THEMIS: variants seen among roughly 807,000 people sequenced by gnomAD.
The protein encoded by THEMIS is protein THEMIS.
Under a neutral mutation model 52.6 loss-of-function variants are expected in THEMIS, and 37 were observed. The ratio of observed to expected loss-of-function variants is 0.70; its 90% CI spans 0.54 to 0.93. The LOEUF is 0.93. Ranked by LOEUF, THEMIS falls within the 40% of genes least tolerant of loss-of-function variation. The pLI is 0.00. For missense variants in THEMIS, 808 were observed against 763.1 expected (o/e 1.06, Z -0.69); for synonymous variants, 292 against 272.7 (o/e 1.07, Z -0.70).
At chr6:127,854,719 A>G (rs919567836) in intron 2 of THEMIS, among the ~76,000 whole-genome samples, 3 of 151,822 alleles carry the variant, frequency 2.0e-5, no homozygotes, top group African/African-American at 7.3e-5. Context: ...TTATGAAAAT[A>G]TATCTTTGAT....
intron 1 of THEMIS, among the ~76,000 whole-genome samples, chr6:127,881,586 T>C (rs762559490): frequency 1.3e-5 from 2 of 152,014 alleles, no homozygotes; most frequent in African/African-American, 2.4e-5. Context: ...TACTCCATTG[T>C]ACAAAAATGT....
intron 4 of THEMIS, among the ~76,000 whole-genome samples, chr6:127,765,653 C>A (rs905639389): frequency 6.6e-6 from 1 of 152,018 alleles, no homozygotes; most frequent in Admixed American, 6.6e-5. Context: ...AATACTGTAT[C>A]TTTAATGTGC....
chr6:127,895,368 T>C (rs1780932852), intron 1 of THEMIS, among the ~76,000 whole-genome samples: 1 of 151,540 alleles, frequency 6.6e-6, no homozygotes, highest in Non-Finnish European at 1.5e-5. Flanking sequence ...AACTTGATGT[T>C]TCTGACATTA....
chr6:127,907,336 G>GTTTTTTTTTTTTTTTTTT (rs1444629822), intron 1 of THEMIS, among the ~76,000 whole-genome samples: 1 of 28,602 alleles, frequency 3.5e-5, no homozygotes, highest in African/African-American at 1.1e-4. Flanking sequence ...ATTAGGCTCG[G>GTTTTTTTTTTTTTTTTTT]ATTTTTTTTT....
chr6:127,906,057 A>G (rs1781262873), upstream of THEMIS, among the ~76,000 whole-genome samples: 1 of 151,200 alleles, frequency 6.6e-6, no homozygotes. Context: ...TAAAAATTAA[A>G]TAGTTTAATA....
intron 2 of THEMIS, among the ~76,000 whole-genome samples, chr6:127,846,428 A>G (rs997241247): frequency 6.6e-6 from 1 of 151,944 alleles, no homozygotes; most frequent in Non-Finnish European, 1.5e-5. Flanking sequence ...AGATTTAAAT[A>G]AGCTCAATTA....
chr6:127,777,030 C>G (rs757600572), intron 4 of THEMIS, among the ~76,000 whole-genome samples: 1 of 151,868 alleles, frequency 6.6e-6, no homozygotes, highest in Non-Finnish European at 1.5e-5. Flanking sequence ...ATTCTTTTAA[C>G]TTTTCTGCAT....
chr6:127,884,343 C>A (rs1780579848), intron 1 of THEMIS, among the ~76,000 whole-genome samples: 1 of 152,146 alleles, frequency 6.6e-6, no homozygotes, highest in Non-Finnish European at 1.5e-5. Context: ...ACAACTCTAC[C>A]ATTCCTTTTG....
intron 4 of THEMIS, among the ~76,000 whole-genome samples, chr6:127,782,773 T>C (rs1277459090): frequency 1.3e-5 from 2 of 152,182 alleles, no homozygotes; most frequent in South Asian, 2.1e-4. Context: ...TCCATGCTCA[T>C]GGATAGGAAG....
intron 1 of THEMIS, among the ~76,000 whole-genome samples, chr6:127,913,383 C>T (rs374599279): frequency 3.2e-4 from 49 of 152,182 alleles, no homozygotes; most frequent in African/African-American, 1.2e-3. Context: ...CTGAATTCTA[C>T]ATTTAGGGAA....
chr6:127,819,477 A>G (rs1312657466), intron 3 of THEMIS, among the ~76,000 whole-genome samples: 2 of 152,172 alleles, frequency 1.3e-5, no homozygotes, highest in Non-Finnish European at 2.9e-5. Flanking sequence ...AAAAAAATCT[A>G]TATTGAAGAG....
rs1778036736 is a variant in THEMIS, at chr6:127,813,920, T to C, written c.721A>G (p.Ile241Val). ...IQGVMKFRKD[I>V]IRILPSLDVE... ...TCTAGACTGGGGAGGATGCGGATTA[T>C]ATCTTTTCGAACTAAAAAGAAAAAA... The change falls in exon 4 of 6, where the codon ATA (isoleucine) becomes GTA (valine). Residue 241 changes from isoleucine (I) to valine (V), a missense_variant. Ile to Val is a conservative substitution (Grantham distance 29). Coordinates refer to ENST00000368248, the MANE Select transcript of THEMIS (RefSeq NM_001010923.3). The C allele has an allele frequency of 1.3e-6, 2 of 1,546,560 alleles. No homozygotes were observed. The highest frequency in any genetic ancestry group is 2.2e-5 in the Admixed American group (1 of 45,214).
intron 1 of THEMIS, among the ~76,000 whole-genome samples, chr6:127,881,091 T>G (rs1780472264): frequency 6.6e-6 from 1 of 152,114 alleles, no homozygotes; most frequent in Admixed American, 6.5e-5. Context: ...CATCTTTTTT[T>G]GCACACTAAC....
intron 4 of THEMIS, among the ~76,000 whole-genome samples, chr6:127,764,238 C>A (rs1324224611): frequency 6.6e-6 from 1 of 151,692 alleles, no homozygotes; most frequent in African/African-American, 2.4e-5. Flanking sequence ...TAAGGTGAAA[C>A]CCATTTTCTG....
At position 127,911,642 on chromosome 6, in the gene THEMIS, A is replaced by G. The variant is rs151091692; in HGVS notation, c.-150+6786T>C. On this transcript the variant is annotated intron_variant, in intron 1 of 6. Transcript: ENST00000368250. ...ATTGCCTACTCTAATCCAATACTACATGGTTCATTCTAGCCTTCCTCCTTG... is the reference window on the plus strand; with the variant it reads ...ATTGCCTACTCTAATCCAATACTACGTGGTTCATTCTAGCCTTCCTCCTTG... Among the ~76,000 whole-genome samples, 101 of 151,506 alleles carry G rather than the reference A, an allele frequency of 6.7e-4. 7 individuals carry two copies. The highest frequency in any genetic ancestry group is 2.3e-3 in the African/African-American group (94 of 40,860).
chr6:127,902,385 C>A (rs1007605006), upstream of THEMIS, among the ~76,000 whole-genome samples: 29 of 147,676 alleles, frequency 2.0e-4, no homozygotes, highest in Non-Finnish European at 3.8e-4. Context: ...TGAAAGATGA[C>A]AGGAATCTAC....
At chr6:127,859,977 A>G (rs1779742531) in intron 1 of THEMIS, among the ~76,000 whole-genome samples, 1 of 152,154 alleles carries the variant, frequency 6.6e-6, no homozygotes, top group African/African-American at 2.4e-5. Flanking sequence ...TCTAAAGGAA[A>G]TGTTTAAGTG....
At chr6:127,739,487 A>G (rs894945414) in intron 4 of THEMIS, among the ~76,000 whole-genome samples, 5 of 152,070 alleles carry the variant, frequency 3.3e-5, no homozygotes, top group Non-Finnish European at 7.4e-5. Context: ...TAAAAATACA[A>G]AAAATTAGCC....
intron 1 of THEMIS, among the ~76,000 whole-genome samples, chr6:127,869,477 A>T (rs1319100147): frequency 2.0e-5 from 3 of 152,180 alleles, no homozygotes; most frequent in Non-Finnish European, 4.4e-5. Context: ...CCAGGAGAAG[A>T]CCAAAATTAA....
Sources: gnomAD v4.1 joint callset for allele counts (sites outside exome capture counted in the v4.1 genomes callset) on GRCh38, gnomAD v4.1.1 for gene constraint, MANE v1.5 for transcripts, NCBI Gene and HGNC (gene_info 2026-07-23, HGNC 2026-07-21) for gene names.